Variants in PDE1A observed in about 807,000 individuals in gnomAD.
PDE1A encodes phosphodiesterase 1A, also known as dual specificity calcium/calmodulin-dependent 3',5'-cyclic nucleotide phosphodiesterase 1A.
In PDE1A, 35 loss-of-function variants were observed where a neutral mutation model predicts 61.7. The ratio of observed to expected loss-of-function variants is 0.57; its 90% CI spans 0.43 to 0.75. The LOEUF (loss-of-function observed/expected upper bound fraction) is 0.75. PDE1A is among the 30% of genes least tolerant of loss of function. PDE1A has a pLI of 0.00. For synonymous variants in PDE1A, 232 were observed against 213.2 expected (o/e 1.09, Z -0.77); for missense variants, 597 against 630.6 (o/e 0.95, Z 0.57).
chr2:182,219,417 C>G (rs545394561), intron 7 of PDE1A, among the ~76,000 whole-genome samples: 4 of 152,032 alleles, frequency 2.6e-5, no homozygotes, highest in Non-Finnish European at 5.9e-5. Context: ...CTTCCTCTAT[C>G]CTCCTAGGTT....
At chr2:182,401,215 G>A (rs1055373376) in intron 1 of PDE1A, among the ~76,000 whole-genome samples, 1 of 151,952 alleles carries the variant, frequency 6.6e-6, no homozygotes, top group Admixed American at 6.6e-5. Flanking sequence ...GGAGGGACAC[G>A]ACACAAAAAG....
chr2:182,455,623 C>T (rs576986179), intron 2 of PDE1A, among the ~76,000 whole-genome samples: 3 of 151,964 alleles, frequency 2.0e-5, no homozygotes, highest in South Asian at 2.1e-4. Flanking sequence ...TGGATGAAAC[C>T]GGAAGCCATC....
At chr2:182,484,573 G>C (rs1177430043) in intron 2 of PDE1A, among the ~76,000 whole-genome samples, 1 of 151,930 alleles carries the variant, frequency 6.6e-6, no homozygotes, top group Non-Finnish European at 1.5e-5. Flanking sequence ...AGAGTAAACA[G>C]ACAACCTAGA....
At chr2:182,198,080 T>C (rs138110665) in intron 10 of PDE1A, among the ~76,000 whole-genome samples, 2,338 of 152,016 alleles carry the variant, frequency 0.015, 32 homozygotes, top group South Asian at 0.058. Context: ...CTCAAAAATG[T>C]TTTGTGGTTT....
chr2:182,516,044 G>A (rs1559533356), intron 2 of PDE1A, among the ~76,000 whole-genome samples: 1 of 149,590 alleles, frequency 6.7e-6, no homozygotes, highest in Non-Finnish European at 1.5e-5. Context: ...TGTTCTTCTG[G>A]TATAGAAGGC....
chr2:182,697,717 G>A, the PDE1A span, among the ~76,000 whole-genome samples: 4 of 152,124 alleles, frequency 2.6e-5, no homozygotes, highest in African/African-American at 9.7e-5. Context: ...TCTGCTATAG[G>A]CAGATCAGTG....
At chr2:182,313,044 G>C (rs1467231879) in intron 1 of PDE1A, among the ~76,000 whole-genome samples, 2 of 152,138 alleles carry the variant, frequency 1.3e-5, no homozygotes, top group African/African-American at 4.8e-5. Flanking sequence ...AAAATTTTCA[G>C]AATATCTGTT....
At chr2:182,448,962 C>T (rs868261221) in intron 2 of PDE1A, among the ~76,000 whole-genome samples, 1 of 151,364 alleles carries the variant, frequency 6.6e-6, no homozygotes, top group Non-Finnish European at 1.5e-5. Context: ...TGATTCTTCT[C>T]TATATTTAAA....
chr2:182,377,392 C>G (rs1341193282), intron 1 of PDE1A, among the ~76,000 whole-genome samples: 1 of 152,152 alleles, frequency 6.6e-6, no homozygotes, highest in African/African-American at 2.4e-5. Flanking sequence ...ATTCCTGAGG[C>G]CTCCTCAGAA....
intron 2 of PDE1A, among the ~76,000 whole-genome samples, chr2:182,503,276 T>C (rs1479486862): frequency 1.3e-5 from 2 of 152,140 alleles, no homozygotes; most frequent in African/African-American, 4.8e-5. Flanking sequence ...CCTCCTATTT[T>C]TAATTTTGTC....
the PDE1A span, among the ~76,000 whole-genome samples, chr2:182,703,537 T>C: frequency 6.6e-6 from 1 of 152,168 alleles, no homozygotes; most frequent in Non-Finnish European, 1.5e-5. Context: ...ATGTTAAACA[T>C]GTTTTATAGT....
chr2:182,256,747 C>A (rs140651057), intron 2 of PDE1A, among the ~76,000 whole-genome samples: 3 of 152,028 alleles, frequency 2.0e-5, no homozygotes, highest in Non-Finnish European at 4.4e-5. Context: ...ATGCTAAATA[C>A]GTTTTTTAAA....
At chr2:182,279,170 G>A (rs1015624016) in intron 1 of PDE1A, among the ~76,000 whole-genome samples, 1 of 151,936 alleles carries the variant, frequency 6.6e-6, no homozygotes, top group African/African-American at 2.4e-5. Context: ...TTCATCTTAT[G>A]TAGGCAATGA....
intron 1 of PDE1A, among the ~76,000 whole-genome samples, chr2:182,334,944 C>A (rs186556188): frequency 0.011 from 1,697 of 152,250 alleles, 24 homozygotes; most frequent in South Asian, 0.068. Flanking sequence ...GATACAAAAT[C>A]AATGTGCAAA....
the PDE1A span, among the ~76,000 whole-genome samples, chr2:182,553,867 C>T: frequency 4.3e-4 from 65 of 152,262 alleles, no homozygotes; most frequent in African/African-American, 1.5e-3. Flanking sequence ...GATTTAGGGG[C>T]TATAAAGAAT....
the PDE1A span, among the ~76,000 whole-genome samples, chr2:182,606,611 T>A: frequency 7.4e-5 from 11 of 149,276 alleles, no homozygotes; most frequent in Non-Finnish European, 1.5e-4. Flanking sequence ...GTGGATGTTA[T>A]AATATAGAAA....
At chr2:182,476,288 C>G (rs937679032) in intron 2 of PDE1A, among the ~76,000 whole-genome samples, 1 of 151,922 alleles carries the variant, frequency 6.6e-6, no homozygotes, top group African/African-American at 2.4e-5. Context: ...GTCAGGAATT[C>G]AACACCAGCC....
At chr2:182,510,233 GGGT>G (rs1416494250) in intron 2 of PDE1A, among the ~76,000 whole-genome samples, 1 of 151,976 alleles carries the variant, frequency 6.6e-6, no homozygotes, top group Admixed American at 6.6e-5. Flanking sequence ...ACCAACCAAA[GGGT>G]CATGTTTCAT....
intron 2 of PDE1A, 109 bp from the exon 3 acceptor site, chr2:182,240,401 A>G: frequency 1.6e-6 from 1 of 616,798 alleles, no homozygotes; most frequent in Non-Finnish European, 2.6e-6. Context: ...TCACTCTCTG[A>G]TTATTCCTTA....
Sources: gnomAD v4.1 joint callset for allele counts (sites outside exome capture counted in the v4.1 genomes callset) on GRCh38, gnomAD v4.1.1 for gene constraint, MANE v1.5 for transcripts, NCBI Gene and HGNC (gene_info 2026-07-23, HGNC 2026-07-21) for gene names.